DPP10: variants seen among roughly 807,000 people sequenced by gnomAD.
DPP10 encodes inactive dipeptidyl peptidase 10.
A neutral mutation model predicts 120.9 loss-of-function variants in DPP10; 33 were observed. That is an observed-to-expected ratio of 0.27 (90% confidence interval 0.21 to 0.37). The LOEUF is 0.37. Ranked by LOEUF, DPP10 falls within the 10% of genes least tolerant of loss-of-function variation. The pLI is 1.00. For synonymous variants in DPP10, 337 were observed against 326.1 expected, an observed-to-expected ratio of 1.03 and a Z score of -0.36; for missense variants, 816 against 942.8, an observed-to-expected ratio of 0.87 and a Z score of 1.76.
chr2:114,683,476 A>C (rs1212995001), intron 1 of DPP10, among the ~76,000 whole-genome samples: 76 of 127,536 alleles, frequency 6.0e-4, no homozygotes, highest in East Asian at 9.2e-4. Context: ...CTTCCTTCCA[A>C]CCTCCTTTCC....
chr2:114,655,339 A>G (rs887869352), intron 1 of DPP10, among the ~76,000 whole-genome samples: 1 of 152,342 alleles, frequency 6.6e-6, no homozygotes, highest in South Asian at 2.1e-4. Context: ...TAACCCTTGA[A>G]AAAACGTGTG....
At chr2:115,525,434 AAG>A (rs947071136) in intron 4 of DPP10, among the ~76,000 whole-genome samples, 3 of 152,078 alleles carry the variant, frequency 2.0e-5, no homozygotes, top group Middle Eastern at 3.2e-3. Flanking sequence ...ATTTCCTTTA[AAG>A]AGAGTCTGTC....
chr2:115,381,257 T>A (rs545106642), intron 3 of DPP10, among the ~76,000 whole-genome samples: 1 of 152,322 alleles, frequency 6.6e-6, no homozygotes, highest in African/African-American at 2.4e-5. Context: ...CGTATCTTTT[T>A]ATTCTTTTTT....
At chr2:115,060,676 C>T (rs1220118141) in intron 1 of DPP10, among the ~76,000 whole-genome samples, 3 of 152,154 alleles carry the variant, frequency 2.0e-5, no homozygotes, top group African/African-American at 4.8e-5. Context: ...CCTTTAATAG[C>T]GTTTGCTTTG....
chr2:115,582,209 G>T (rs908642263), intron 5 of DPP10, among the ~76,000 whole-genome samples: 3 of 152,110 alleles, frequency 2.0e-5, no homozygotes, highest in African/African-American at 7.2e-5. Flanking sequence ...CTGTCCGCAC[G>T]CACAGTGGCC....
chr2:114,917,998 A>C (rs1694928589), intron 1 of DPP10, among the ~76,000 whole-genome samples: 1 of 152,208 alleles, frequency 6.6e-6, no homozygotes, highest in Non-Finnish European at 1.5e-5. Flanking sequence ...AGCAAAAGAA[A>C]CTATCAACAG....
chr2:115,590,728 T>G (rs961138877), intron 5 of DPP10, among the ~76,000 whole-genome samples: 2 of 152,190 alleles, frequency 1.3e-5, no homozygotes, highest in African/African-American at 4.8e-5. Context: ...TTCTAGATCC[T>G]TGAGGAATCG....
At chr2:115,332,855 A>G (rs1361026915) in intron 2 of DPP10, among the ~76,000 whole-genome samples, 1 of 152,124 alleles carries the variant, frequency 6.6e-6, no homozygotes, top group Non-Finnish European at 1.5e-5. Flanking sequence ...GTATGTGGTC[A>G]ATTTTGGAAT....
Position 114,709,839 on chromosome 2 carries a change from A to T in DPP10, c.60+267001A>T, listed in dbSNP as rs1035108901. Among the ~76,000 whole-genome samples the T allele has an allele frequency of 2.0e-5, 3 of 152,222 alleles. No individual in the cohort carries two copies. In the East Asian group the frequency reaches 5.8e-4, roughly 29 times the overall value. On this transcript the variant is annotated intron_variant, in intron 1 of 25. Transcript: ENST00000410059. ...GAAAGCCTATTATCTTTAATATAAA[A>T]TTCTTATTTATTATCTTTTAAAGGT...
rs1159764081 is a variant in DPP10, at chr2:115,446,596, C to T, written c.272-52914C>T. Among the ~76,000 whole-genome samples, 3 of 152,078 alleles carry T rather than the reference C, an allele frequency of 2.0e-5. No homozygotes were observed. The South Asian group carries it at 6.2e-4, about 31-fold the overall frequency. ...AGGGTGGGAAAGCTTATCACAGGCT[C>T]GGAATGTTTCTGTGTCTCTTTGTCT... On this transcript the variant is annotated intron_variant, in intron 3 of 25. Coordinates refer to ENST00000410059, the MANE Select transcript of DPP10 (RefSeq NM_020868.6).
intron 17 of DPP10, among the ~76,000 whole-genome samples, chr2:115,783,088 T>G (rs1266774090): frequency 6.6e-6 from 1 of 152,154 alleles, no homozygotes; most frequent in Non-Finnish European, 1.5e-5. Flanking sequence ...CCTTCTTTCA[T>G]TTTTTAAGTT....
At chr2:115,081,844 T>C (rs1392253321) in intron 1 of DPP10, among the ~76,000 whole-genome samples, 1 of 152,180 alleles carries the variant, frequency 6.6e-6, no homozygotes, top group Non-Finnish European at 1.5e-5. Flanking sequence ...GAGGGCAAAC[T>C]CTTTAGGGTC....
chr2:114,612,893 C>T (rs978439753), intron 1 of DPP10, among the ~76,000 whole-genome samples: 3 of 152,114 alleles, frequency 2.0e-5, no homozygotes, highest in African/African-American at 7.2e-5. Context: ...TTATGAGAAA[C>T]TATTTTCAGC....
In DPP10 at chr2:115,838,672, T is replaced by G. The variant is rs530211142; in HGVS notation, c.2182+1926T>G. 2.0e-5 allele frequency among the ~76,000 whole-genome samples: 3 copies of G among 152,324 alleles called. No individual in the cohort carries two copies. The South Asian group carries it at 6.2e-4, about 32-fold the overall frequency. ...TGTAGCTATAAAGGTAAATCATTGT[T>G]CTATCTGACTCACTCAGTCACAGGC... On this transcript the variant is annotated intron_variant, in intron 24 of 25. Coordinates refer to ENST00000410059, the MANE Select transcript of DPP10 (RefSeq NM_020868.6).
chr2:114,800,479 C>T (rs552003624), intron 1 of DPP10, among the ~76,000 whole-genome samples: 2 of 152,240 alleles, frequency 1.3e-5, no homozygotes, highest in East Asian at 3.9e-4. Context: ...TAAAATTAGA[C>T]TAGAAAACAG....
In DPP10 at chr2:115,805,867, G is replaced by A. The variant is rs532510086; in HGVS notation, c.1701-8926G>A. Among the ~76,000 whole-genome samples, 23 of 152,162 alleles carry A rather than the reference G, an allele frequency of 1.5e-4. 1 individual carries two copies. Among genetic ancestry groups the A allele is most frequent in the South Asian group, 1.2e-3 (6 of 4,820 alleles). Reference sequence around the variant, plus strand: ...TGGGATTACAGGTGTGAGCCGCCGCGCCCGGCACTTCCTGTGCTTTCATAA... The same window carrying A: ...TGGGATTACAGGTGTGAGCCGCCGCACCCGGCACTTCCTGTGCTTTCATAA... On this transcript the variant is annotated intron_variant, in intron 19 of 25. Transcript: ENST00000410059.
chr2:114,471,384 A>G (rs1364430841), intron 1 of DPP10, among the ~76,000 whole-genome samples: 1 of 152,202 alleles, frequency 6.6e-6, no homozygotes, highest in South Asian at 2.1e-4. Context: ...CAAAGGAAAT[A>G]TCAGCATTGC....
intron 7 of DPP10, among the ~76,000 whole-genome samples, chr2:115,692,937 C>T (rs1422210788): frequency 1.3e-5 from 2 of 152,050 alleles, no homozygotes; most frequent in Non-Finnish European, 2.9e-5. Context: ...ATAAGGTTTC[C>T]TTTCATTGGA....
Position 115,020,641 on chromosome 2 carries a change from C to T in DPP10, c.61-288598C>T, listed in dbSNP as rs547586353. 3.9e-5 allele frequency among the ~76,000 whole-genome samples: 6 copies of T among 152,168 alleles called. No individual in the cohort carries two copies. In the South Asian group the frequency reaches 1.2e-3, roughly 32 times the overall value. ...TCAACAAATGAACAATGGACTTAAACTATAGCCTACAACAAATGGACTTAA... is the reference window on the plus strand; with the variant it reads ...TCAACAAATGAACAATGGACTTAAATTATAGCCTACAACAAATGGACTTAA... On this transcript the variant is annotated intron_variant, in intron 1 of 25. Coordinates refer to ENST00000410059, the MANE Select transcript of DPP10 (RefSeq NM_020868.6).
Sources: gnomAD v4.1 joint callset for allele counts (sites outside exome capture counted in the v4.1 genomes callset) on GRCh38, gnomAD v4.1.1 for gene constraint, MANE v1.5 for transcripts, NCBI Gene and HGNC (gene_info 2026-07-23, HGNC 2026-07-21) for gene names.